Variants in STARD13 observed in about 807,000 individuals in gnomAD.
STARD13 encodes the protein StAR related lipid transfer domain containing 13.
In STARD13, 62 loss-of-function variants were observed where a neutral mutation model predicts 106.4. The observed-to-expected ratio is 0.58, with a 90% CI of 0.48 to 0.72. STARD13 has a LOEUF of 0.72. Ranked by LOEUF, STARD13 falls within the 30% of genes least tolerant of loss-of-function variation. The pLI is 0.00. For missense variants in STARD13, 1,387 were observed against 1,424.0 expected (o/e 0.97, Z 0.42); for synonymous variants, 565 against 553.0 (o/e 1.02, Z -0.31).
the STARD13 span, among the ~76,000 whole-genome samples, chr13:33,545,091 G>T: frequency 5.9e-5 from 9 of 152,104 alleles, no homozygotes; most frequent in Non-Finnish European, 2.9e-5. Flanking sequence ...GAGTAGCTGG[G>T]ATTACAGGCA....
the STARD13 span, among the ~76,000 whole-genome samples, chr13:33,650,824 C>T: frequency 6.6e-6 from 1 of 152,382 alleles, no homozygotes; most frequent in Admixed American, 6.5e-5. Flanking sequence ...TTAGCATGAG[C>T]TCCAGAGCCC....
intron 10 of STARD13, 87 bp from the exon 11 acceptor site, chr13:33,110,994 C>G: frequency 7.9e-7 from 1 of 1,263,480 alleles, no homozygotes; most frequent in Non-Finnish European, 1.1e-6. Context: ...CACCCACAAC[C>G]CGGCTCTGAG....
chr13:33,467,505 G>A, the STARD13 span, among the ~76,000 whole-genome samples: 21 of 152,140 alleles, frequency 1.4e-4, no homozygotes, highest in African/African-American at 4.1e-4. Flanking sequence ...CCATGGACTG[G>A]TATTTGTCCA....
At chr13:33,499,368 A>G in the STARD13 span, among the ~76,000 whole-genome samples, 1 of 152,172 alleles carries the variant, frequency 6.6e-6, no homozygotes. Context: ...AGAGGCTAGA[A>G]GTCCAACATC....
chr13:33,427,955 C>CAA, the STARD13 span, among the ~76,000 whole-genome samples: 123 of 100,918 alleles, frequency 1.2e-3, 2 homozygotes, highest in Middle Eastern at 6.5e-3. Flanking sequence ...AACTCCGTCT[C>CAA]AAAAAAAAAA....
chr13:33,429,061 G>A, the STARD13 span, among the ~76,000 whole-genome samples: 1 of 152,190 alleles, frequency 6.6e-6, no homozygotes, highest in Non-Finnish European at 1.5e-5. Context: ...GAGAACTCCT[G>A]TGTGCTGTTG....
chr13:33,207,977 A>AC (rs1460187229), intron 1 of STARD13, among the ~76,000 whole-genome samples: 2 of 152,192 alleles, frequency 1.3e-5, no homozygotes, highest in Admixed American at 1.3e-4. Flanking sequence ...GAAATTCCCT[A>AC]CTTCCATAAT....
intron 1 of STARD13, among the ~76,000 whole-genome samples, chr13:33,276,454 T>C (rs1342279398): frequency 2.0e-5 from 3 of 152,204 alleles, no homozygotes; most frequent in Non-Finnish European, 4.4e-5. Context: ...TAACGCAGGA[T>C]TTGTGAATCG....
At position 33,285,571 on chromosome 13, in the gene STARD13, C is replaced by T; in HGVS notation, c.68G>A (p.Gly23Asp). The change falls in exon 1 of 14, where the codon GGC (glycine) becomes GAC (aspartate). Residue 23 changes from glycine (G) to aspartate (D), a missense_variant. Gly to Asp is a moderately conservative substitution (Grantham distance 94). Coordinates refer to ENST00000336934, the MANE Select transcript of STARD13 (RefSeq NM_178006.4). The stretch of plus-strand genomic sequence containing the variant: ...ATCAAATCGCAAGTACATCTCCTGG[C>T]CCTCAGGTGTCATGGAATTTAGGTA... ...CYYLNSMTPE[G>D]QEMYLRFDQT... 6.2e-7 allele frequency: 1 copy of T among 1,614,002 alleles called. No homozygotes were observed. Among genetic ancestry groups the T allele is most frequent in the Non-Finnish European group, 8.5e-7 (1 of 1,179,924 alleles).
At chr13:33,237,047 T>C (rs1375608506) in intron 1 of STARD13, among the ~76,000 whole-genome samples, 3 of 150,414 alleles carry the variant, frequency 2.0e-5, no homozygotes, top group African/African-American at 7.4e-5. Context: ...TTCTTCTATA[T>C]GTACTTTCCC....
chr13:33,390,785 T>C, the STARD13 span, among the ~76,000 whole-genome samples: 5 of 152,156 alleles, frequency 3.3e-5, no homozygotes, highest in Non-Finnish European at 7.3e-5. Context: ...GTCATTAAGA[T>C]GCAAGAGTTC....
chr13:33,639,612 T>C, the STARD13 span, among the ~76,000 whole-genome samples: 16,532 of 152,250 alleles, frequency 0.11, 1,980 homozygotes, highest in African/African-American at 0.26. Context: ...ATTTGAAGTT[T>C]AGATTAATGG....
chr13:33,578,919 C>G, the STARD13 span, among the ~76,000 whole-genome samples: 2 of 152,026 alleles, frequency 1.3e-5, no homozygotes, highest in Non-Finnish European at 2.9e-5. Flanking sequence ...CACTAATCAT[C>G]AGGGAAATGC....
chr13:33,365,716 C>A, the STARD13 span, among the ~76,000 whole-genome samples: 2 of 152,162 alleles, frequency 1.3e-5, no homozygotes, highest in Non-Finnish European at 2.9e-5. Context: ...GTAACACTCA[C>A]CCATGAACTA....
the STARD13 span, among the ~76,000 whole-genome samples, chr13:33,643,912 C>G: frequency 2.6e-5 from 4 of 152,236 alleles, no homozygotes; most frequent in African/African-American, 9.6e-5. Flanking sequence ...ATTCAAAACT[C>G]CAGTTTGGAC....
chr13:33,422,915 C>A, the STARD13 span, among the ~76,000 whole-genome samples: 1 of 152,148 alleles, frequency 6.6e-6, no homozygotes, highest in Non-Finnish European at 1.5e-5. Flanking sequence ...AAACTGGATC[C>A]CTTCCTTACA....
the STARD13 span, among the ~76,000 whole-genome samples, chr13:33,557,427 C>T: frequency 2.0e-5 from 3 of 152,066 alleles, no homozygotes; most frequent in Admixed American, 6.6e-5. Context: ...TCTACAAATA[C>T]GTTTTTAAAA....
At chr13:33,499,613 CTTCTTCTTCTT>C in the STARD13 span, among the ~76,000 whole-genome samples, 4 of 70,560 alleles carry the variant, frequency 5.7e-5, no homozygotes, top group Non-Finnish European at 1.2e-4. Context: ...CTTTCTTCTT[CTTCTTCTTCTT>C]CTTCTTCTTC....
intron 1 of STARD13, among the ~76,000 whole-genome samples, chr13:33,216,829 T>C (rs1488490034): frequency 6.6e-6 from 1 of 152,124 alleles, no homozygotes; most frequent in Non-Finnish European, 1.5e-5. Context: ...CTAAGAAGAA[T>C]GTGTGTTTGG....
Sources: gnomAD v4.1 joint callset for allele counts (sites outside exome capture counted in the v4.1 genomes callset) on GRCh38, gnomAD v4.1.1 for gene constraint, MANE v1.5 for transcripts, NCBI Gene and HGNC (gene_info 2026-07-23, HGNC 2026-07-21) for gene names.